ST3GAL2: variants seen among roughly 807,000 people sequenced by gnomAD.
The protein encoded by ST3GAL2 is CMP-N-acetylneuraminate-beta-galactosamide-alpha-2,3-sialyltransferase 2.
Under a neutral mutation model 37.5 loss-of-function variants are expected in ST3GAL2, and 16 were observed. That is an observed-to-expected ratio of 0.43 (90% CI 0.29 to 0.65). The LOEUF (loss-of-function observed/expected upper bound fraction) is 0.65, where lower values mean the gene tolerates loss of function less well. Ranked by LOEUF, ST3GAL2 falls within the 30% of genes least tolerant of loss-of-function variation. The pLI is 0.17. For synonymous variants in ST3GAL2, 238 were observed against 202.9 expected (o/e 1.17, Z -1.47); for missense variants, 383 against 487.8 (o/e 0.79, Z 2.02).
chr16:70,436,695 C>T (rs900693114), intron 1 of ST3GAL2, among the ~76,000 whole-genome samples: 3 of 152,022 alleles, frequency 2.0e-5, no homozygotes, highest in African/African-American at 7.3e-5. Context: ...AGAATCCTTC[C>T]CTAAACCTGT....
At chr16:70,411,561 G>T (rs959000460) in intron 1 of ST3GAL2, among the ~76,000 whole-genome samples, 3 of 151,934 alleles carry the variant, frequency 2.0e-5, no homozygotes, top group Admixed American at 6.6e-5. Flanking sequence ...AAAGATCGAG[G>T]GTCCTTCATG....
At chr16:70,404,343 AAAGT>A (rs1409063099) in intron 1 of ST3GAL2, among the ~76,000 whole-genome samples, 10 of 152,164 alleles carry the variant, frequency 6.6e-5, no homozygotes, top group African/African-American at 1.9e-4. Context: ...AGTGTTTGAA[AAAGT>A]AAGGCGAGGA....
intron 1 of ST3GAL2, among the ~76,000 whole-genome samples, chr16:70,429,453 C>A (rs1054969386): frequency 1.3e-5 from 2 of 151,696 alleles, no homozygotes; most frequent in Non-Finnish European, 2.9e-5. Context: ...ATTAGCCGGG[C>A]GTAGTGGCAG....
At chr16:70,382,960 T>A in intron 5 of ST3GAL2, 36 bp from the exon 6 acceptor site, 1 of 1,607,024 alleles carries the variant, frequency 6.2e-7, no homozygotes, top group Non-Finnish European at 8.5e-7. Flanking sequence ...TATGAGGGGT[T>A]TAGGGGCAGA....
chr16:70,398,084 G>C, intron 2 of ST3GAL2, 108 bp downstream of exon 2: 1 of 1,187,828 alleles, frequency 8.4e-7, no homozygotes, highest in Non-Finnish European at 1.2e-6. Context: ...AAATGGCTTG[G>C]TCAAACAGGC....
chr16:70,421,439 G>A (rs1322147197), intron 1 of ST3GAL2, among the ~76,000 whole-genome samples: 3 of 152,188 alleles, frequency 2.0e-5, no homozygotes, highest in African/African-American at 7.2e-5. Flanking sequence ...CCTGGATCTG[G>A]CCTAAGCTGA....
chr16:70,428,948 A>C (rs1048505086), intron 1 of ST3GAL2, among the ~76,000 whole-genome samples: 5 of 152,224 alleles, frequency 3.3e-5, no homozygotes, highest in African/African-American at 2.4e-5. Flanking sequence ...TGGGAATCCT[A>C]TTAACAGTCA....
intron 1 of ST3GAL2, among the ~76,000 whole-genome samples, chr16:70,428,537 C>A (rs1183838097): frequency 6.6e-6 from 1 of 152,254 alleles, no homozygotes; most frequent in Non-Finnish European, 1.5e-5. Flanking sequence ...AGAAAGCCTG[C>A]CCCTTCCTCC....
intron 1 of ST3GAL2, among the ~76,000 whole-genome samples, chr16:70,413,088 A>G (rs997978273): frequency 8.6e-5 from 13 of 151,558 alleles, no homozygotes; most frequent in Admixed American, 2.6e-4. Flanking sequence ...GTATCTACTA[A>G]TAATACAAAA....
rs775805478 is a variant in ST3GAL2 at position 70,381,702 on chromosome 16, T to C, written c.1040A>G (p.Tyr347Cys). The C allele has an allele frequency of 6.2e-7, 1 of 1,613,696 alleles. No homozygotes were observed. The highest frequency in any genetic ancestry group is 8.5e-7 in the Non-Finnish European group (1 of 1,179,836). The change falls in exon 7 of 7, where the codon TAC becomes TGC. Residue 347 changes from tyrosine to cysteine, a missense_variant. Around this residue, in one of 2 missense-constraint regions of ST3GAL2, gnomAD observed 160 missense variants for 248.6 expected, o/e 0.64. Coordinates refer to ENST00000342907, the MANE Select transcript of ST3GAL2 (RefSeq NM_006927.4). ...MLAKASKIEV[Y>C]RGN ...GCGAGGCCCGGCTCAGTTGCCCCGG[T>C]AGACTTCGATCTTGCTGGCCTTGGC...
At chr16:70,418,078 A>G (rs1344707517) in intron 1 of ST3GAL2, among the ~76,000 whole-genome samples, 1 of 152,016 alleles carries the variant, frequency 6.6e-6, no homozygotes, top group Non-Finnish European at 1.5e-5. Flanking sequence ...TTCCTTCTGT[A>G]CTCGTCTGCA....
rs371943742 is a variant in ST3GAL2 at position 70,433,075 on chromosome 16, TCTC to T, written c.-1004+5871_-1004+5873del. Among the ~76,000 whole-genome samples the T allele has an allele frequency of 1.4e-3, 220 of 152,190 alleles. 5 individuals carry two copies. The highest frequency in any genetic ancestry group is 4.8e-3 in the African/African-American group (201 of 41,544). On this transcript the variant is annotated intron_variant, in intron 1 of 6. Transcript: ENST00000342907. ...CCTCCAAAGCGAGGCCACATCACCT[TCTC>T]CTAAACTCTTCCTCCTCCTGACTGC...
intron 4 of ST3GAL2, among the ~76,000 whole-genome samples, chr16:70,387,154 G>A (rs528955712): frequency 1.3e-5 from 2 of 152,242 alleles, no homozygotes; most frequent in East Asian, 1.9e-4. Context: ...TACTCAGAAG[G>A]CCGAGGCAGG....
intron 2 of ST3GAL2, 98 bp from the exon 3 acceptor site, chr16:70,395,273 T>C: frequency 7.8e-6 from 9 of 1,153,404 alleles, no homozygotes; most frequent in Non-Finnish European, 9.8e-6. Context: ...CTATCCTGTG[T>C]CTGGGCACAG....
At chr16:70,383,887 T>G (rs2151656422) in intron 4 of ST3GAL2, among the ~76,000 whole-genome samples, 1 of 151,566 alleles carries the variant, frequency 6.6e-6, no homozygotes, top group Admixed American at 6.6e-5. Flanking sequence ...GGGCCTTCCC[T>G]AGACCAGCCC....
chr16:70,386,588 C>A (rs191121640), intron 4 of ST3GAL2, among the ~76,000 whole-genome samples: 39 of 152,016 alleles, frequency 2.6e-4, no homozygotes, highest in Admixed American at 1.0e-3. Context: ...TCGCCCACAT[C>A]GGCCTCCCAA....
chr16:70,431,709 A>T (rs1037858658), intron 1 of ST3GAL2, among the ~76,000 whole-genome samples: 2 of 151,560 alleles, frequency 1.3e-5, no homozygotes, highest in Admixed American at 1.3e-4. Context: ...CACCTCTGTA[A>T]TCCCAGCACT....
At chr16:70,410,448 C>A (rs2047629862) in intron 1 of ST3GAL2, among the ~76,000 whole-genome samples, 1 of 150,800 alleles carries the variant, frequency 6.6e-6, no homozygotes, top group South Asian at 2.1e-4. Flanking sequence ...AGAGACAGGG[C>A]TTCACCATGT....
At position 70,398,964 on chromosome 16, in the gene ST3GAL2, G is replaced by A. The variant is rs1030137649; in HGVS notation, c.-434C>T. The stretch of plus-strand genomic sequence containing the variant: ...TCCTTGTGGTTCATGAGCAGACAAT[G>A]AGGCGGCCCCTCGTTCCCGGCAGCG... On this transcript the variant is annotated 5_prime_UTR_variant, in exon 2 of 7. Transcript: ENST00000342907. 2.5e-4 allele frequency: 105 copies of A among 414,350 alleles called. 1 individual carries two copies. The highest frequency in any genetic ancestry group is 2.6e-5 in the Non-Finnish European group (6 of 234,856). 25.7% of individuals were successfully genotyped at this position (414,350 alleles called of 1,614,324 possible). A position where few individuals can be genotyped will look rare whatever the true frequency, so the allele number is the denominator to read the frequency against.
Sources: gnomAD v4.1 joint callset for allele counts (sites outside exome capture counted in the v4.1 genomes callset) on GRCh38, gnomAD v4.1.1 for gene constraint, gnomAD v4.1.1 regional missense constraint, MANE v1.5 for transcripts, NCBI Gene and HGNC (gene_info 2026-07-23, HGNC 2026-07-21) for gene names.